SZRD1: variants seen among roughly 807,000 people sequenced by gnomAD.
The protein encoded by SZRD1 is SUZ RNA binding domain containing 1.
SZRD1 carries 7 observed loss-of-function variants against 17.6 expected under a neutral mutation model. The ratio of observed to expected loss-of-function variants is 0.40; its 90% CI spans 0.23 to 0.75. The LOEUF is 0.75. Ranked by LOEUF, SZRD1 falls within the 30% of genes least tolerant of loss-of-function variation. The pLI is 0.38. For missense variants in SZRD1, 178 were observed against 201.8 expected, an observed-to-expected ratio of 0.88 and a Z score of 0.71; for synonymous variants, 77 against 77.9, an observed-to-expected ratio of 0.99 and a Z score of 0.06.
chr1:16,392,354 G>A (rs781398058), intron 2 of SZRD1, among the ~76,000 whole-genome samples: 2 of 152,194 alleles, frequency 1.3e-5, no homozygotes, highest in African/African-American at 2.4e-5. Flanking sequence ...CCTGGTGGCT[G>A]TTGTCGGGTG....
At chr1:16,374,789 T>G (rs924010056) in intron 1 of SZRD1, among the ~76,000 whole-genome samples, 4 of 152,202 alleles carry the variant, frequency 2.6e-5, no homozygotes, top group African/African-American at 9.7e-5. Context: ...AGGTTGAGTT[T>G]AGCTACTTAA....
intron 1 of SZRD1, among the ~76,000 whole-genome samples, chr1:16,370,447 G>C (rs1426822493): frequency 6.6e-6 from 1 of 151,614 alleles, no homozygotes; most frequent in Non-Finnish European, 1.5e-5. Flanking sequence ...CGCTGATCTC[G>C]AACTCCTGGC....
chr1:16,395,321 C>G lies in SZRD1; in HGVS notation c.*181C>G, dbSNP rs549178827. ...TGAACCCCATGCACTGTGACCTCCC[C>G]CCTTCTCCCCCTTCCCACTGTGATT... On this transcript the variant is annotated 3_prime_UTR_variant, in exon 4 of 4. Transcript: ENST00000401088. 3.1e-6 allele frequency: 2 copies of G among 637,006 alleles called. No individual in the cohort carries two copies. Among genetic ancestry groups the G allele is most frequent in the Admixed American group, 4.7e-5 (2 of 42,632 alleles). 39.5% of individuals were successfully genotyped at this position (637,006 alleles called of 1,614,324 possible).
chr1:16,373,012 T>C (rs967760305), intron 1 of SZRD1, among the ~76,000 whole-genome samples: 2 of 151,418 alleles, frequency 1.3e-5, no homozygotes, highest in Admixed American at 6.6e-5. Flanking sequence ...GCAGGTAGAG[T>C]GTAGGGCCAA....
intron 1 of SZRD1, among the ~76,000 whole-genome samples, chr1:16,375,383 T>G (rs2082984280): frequency 6.6e-6 from 1 of 151,982 alleles, no homozygotes; most frequent in African/African-American, 2.4e-5. Context: ...TGGCGCAATT[T>G]CTGCTCACTG....
chr1:16,382,075 A>T (rs540437499), intron 1 of SZRD1, among the ~76,000 whole-genome samples: 1 of 152,302 alleles, frequency 6.6e-6, no homozygotes, highest in South Asian at 2.1e-4. Flanking sequence ...GAGTGGTAGG[A>T]GATGAGGTCA....
chr1:16,377,091 A>T (rs549173270), intron 1 of SZRD1, among the ~76,000 whole-genome samples: 2 of 152,066 alleles, frequency 1.3e-5, no homozygotes, highest in African/African-American at 4.8e-5. Flanking sequence ...CTTGTGTTCC[A>T]TTCTGCCTGC....
chr1:16,386,297 A>G (rs1348772517), intron 1 of SZRD1, among the ~76,000 whole-genome samples: 3 of 152,256 alleles, frequency 2.0e-5, no homozygotes, highest in Non-Finnish European at 4.4e-5. Flanking sequence ...CCTCTAACAC[A>G]GGAGCCTAGA....
Position 16,367,269 on chromosome 1 carries a change from G to C in SZRD1, c.12G>C (p.Glu4Asp), listed in dbSNP as rs1280947385. The change falls in exon 1 of 4, where the codon GAG (glutamate) becomes GAC (aspartate). Residue 4 changes from glutamate to aspartate, a missense_variant. Glu to Asp is a conservative substitution (Grantham distance 45, BLOSUM62 2). Coordinates refer to ENST00000401088, the MANE Select transcript of SZRD1 (RefSeq NM_001114600.3). Reference sequence around the variant, plus strand: ...AAGCGGCGAGTAAGATGGAAGATGAGGAGGTCGCTGAGAGCTGGGAAGAGG... The same window carrying C: ...AAGCGGCGAGTAAGATGGAAGATGACGAGGTCGCTGAGAGCTGGGAAGAGG... Reference protein sequence around the residue: MEDEEVAESWEEAA... With the variant: MEDDEVAESWEEAA... 1.3e-6 allele frequency: 2 copies of C among 1,548,662 alleles called. No individual in the cohort carries two copies. The highest frequency in any genetic ancestry group is 3.9e-5 in the Admixed American group (2 of 50,966).
chr1:16,380,562 G>T (rs973613833), intron 1 of SZRD1, among the ~76,000 whole-genome samples: 9 of 151,872 alleles, frequency 5.9e-5, no homozygotes, highest in Admixed American at 5.9e-4. Context: ...TCCACCTCCC[G>T]GGTTCAAGCG....
intron 1 of SZRD1, among the ~76,000 whole-genome samples, chr1:16,373,382 C>G (rs953217988): frequency 6.6e-6 from 1 of 151,786 alleles, no homozygotes; most frequent in African/African-American, 2.4e-5. Context: ...GAGTTCGAGA[C>G]CAGCTTGACC....
At chr1:16,377,601 C>G (rs901077634) in intron 1 of SZRD1, among the ~76,000 whole-genome samples, 1 of 150,284 alleles carries the variant, frequency 6.7e-6, no homozygotes, top group Non-Finnish European at 1.5e-5. Context: ...GATAGGTTCT[C>G]TCTGCCAGTT....
chr1:16,394,231 G>T (rs767631321), intron 3 of SZRD1, among the ~76,000 whole-genome samples: 4 of 151,952 alleles, frequency 2.6e-5, no homozygotes, highest in Non-Finnish European at 5.9e-5. Context: ...TGTTCTTTTT[G>T]TTGTTTCTCC....
intron 1 of SZRD1, among the ~76,000 whole-genome samples, chr1:16,372,413 CAGTGA>C (rs2100695192): frequency 6.6e-6 from 1 of 152,236 alleles, no homozygotes; most frequent in South Asian, 2.1e-4. Flanking sequence ...GCAGAGGTTG[CAGTGA>C]GCAGAGATCG....
chr1:16,385,487 A>G (rs1029462154), intron 1 of SZRD1, among the ~76,000 whole-genome samples: 2 of 152,164 alleles, frequency 1.3e-5, no homozygotes, highest in South Asian at 2.1e-4. Context: ...TGTGCTTTAC[A>G]CTAAGACCCA....
At chr1:16,385,816 C>T (rs1298948598) in intron 1 of SZRD1, among the ~76,000 whole-genome samples, 1 of 152,182 alleles carries the variant, frequency 6.6e-6, no homozygotes, top group African/African-American at 2.4e-5. Context: ...AGCTGAGCTT[C>T]CTCCTCTGGT....
intron 1 of SZRD1, among the ~76,000 whole-genome samples, chr1:16,375,980 G>A (rs989035230): frequency 3.9e-5 from 6 of 152,158 alleles, no homozygotes; most frequent in African/African-American, 7.2e-5. Flanking sequence ...GCGAACAAGC[G>A]CGCAGCCTGT....
intron 1 of SZRD1, among the ~76,000 whole-genome samples, chr1:16,390,878 G>A (rs2100745592): frequency 6.6e-6 from 1 of 152,190 alleles, no homozygotes; most frequent in Non-Finnish European, 1.5e-5. Flanking sequence ...AGTTCTGGGG[G>A]CTAGTGATAG....
intron 1 of SZRD1, among the ~76,000 whole-genome samples, chr1:16,381,943 A>G (rs1266419752): frequency 6.6e-6 from 1 of 152,084 alleles, no homozygotes; most frequent in Non-Finnish European, 1.5e-5. Context: ...ACCAAAAAGA[A>G]AGAAGCTGGT....
Sources: gnomAD v4.1 joint callset for allele counts (sites outside exome capture counted in the v4.1 genomes callset) on GRCh38, gnomAD v4.1.1 for gene constraint, MANE v1.5 for transcripts, NCBI Gene and HGNC (gene_info 2026-07-23, HGNC 2026-07-21) for gene names.